The following MTCL2 variants were observed in gnomAD, a reference collection of about 807,000 sequenced individuals.
MTCL2 encodes microtubule crosslinking factor 2.
the MTCL2 span, among the ~76,000 whole-genome samples, chr20:36,862,471 A>G: frequency 6.6e-6 from 1 of 151,946 alleles, no homozygotes; most frequent in Non-Finnish European, 1.5e-5. Context: ...CGCGCTTCCC[A>G]AATAAAGTTG....
At chr20:36,818,507 A>G in the MTCL2 span, among the ~76,000 whole-genome samples, 1 of 152,200 alleles carries the variant, frequency 6.6e-6, no homozygotes, top group African/African-American at 2.4e-5. Context: ...TGATTCAAAA[A>G]TCCAGAAGCT....
the MTCL2 span, among the ~76,000 whole-genome samples, chr20:36,852,497 G>A: frequency 6.6e-6 from 1 of 152,202 alleles, no homozygotes; most frequent in Admixed American, 6.5e-5. Flanking sequence ...AAAAGGATAT[G>A]CAAAAAACTC....
At chr20:36,862,196 G>A in the MTCL2 span, among the ~76,000 whole-genome samples, 40 of 152,362 alleles carry the variant, frequency 2.6e-4, no homozygotes, top group African/African-American at 8.7e-4. Flanking sequence ...GCCCGGGAAA[G>A]CCCTGGGTAA....
the MTCL2 span, among the ~76,000 whole-genome samples, chr20:36,791,951 A>C: frequency 2.6e-5 from 4 of 152,324 alleles, no homozygotes; most frequent in African/African-American, 7.2e-5. Flanking sequence ...ACACATTCAA[A>C]TAATGCTCAC....
At chr20:36,829,191 G>T in the MTCL2 span, 5 of 1,610,252 alleles carry the variant, frequency 3.1e-6, no homozygotes, top group South Asian at 4.4e-5. Flanking sequence ...TTATGCAGCC[G>T]CATGGAGATG....
chr20:36,812,764 G>A, the MTCL2 span: 306 of 1,613,854 alleles, frequency 1.9e-4, no homozygotes, highest in African/African-American at 3.1e-3. Flanking sequence ...GGCTGGGGTC[G>A]GGCTTAGAGT....
At chr20:36,815,953 A>C in the MTCL2 span, 1 of 1,613,266 alleles carries the variant, frequency 6.2e-7, no homozygotes, top group Non-Finnish European at 8.5e-7. This position sits in a 1 kb window ranked among gnomAD's most constrained non-coding sequence, Gnocchi z 5.3. Context: ...AGCGCGGAGA[A>C]GGCCAGGCGT....
At chr20:36,812,621 T>G in the MTCL2 span, 11 of 1,537,308 alleles carry the variant, frequency 7.2e-6, no homozygotes, top group African/African-American at 1.4e-5. Context: ...ACCAGCTAAG[T>G]GATATATGGA....
At chr20:36,846,230 A>C in the MTCL2 span, among the ~76,000 whole-genome samples, 5 of 151,098 alleles carry the variant, frequency 3.3e-5, no homozygotes, top group South Asian at 2.1e-4. Context: ...AATCCCCTCA[A>C]CACCACTGGG....
chr20:36,860,065 A>T, the MTCL2 span, among the ~76,000 whole-genome samples: 1 of 152,198 alleles, frequency 6.6e-6, no homozygotes, highest in Admixed American at 6.5e-5. Flanking sequence ...TGGGATAAAC[A>T]GATATACAGA....
chr20:36,790,288 G>A, the MTCL2 span, among the ~76,000 whole-genome samples: 1 of 151,784 alleles, frequency 6.6e-6, no homozygotes, highest in Non-Finnish European at 1.5e-5. Flanking sequence ...ACTGCGCCCG[G>A]CCAATTTTTG....
the MTCL2 span, among the ~76,000 whole-genome samples, chr20:36,862,462 G>A: frequency 6.6e-6 from 1 of 152,168 alleles, no homozygotes; most frequent in Non-Finnish European, 1.5e-5. Flanking sequence ...TTTCAGGAGC[G>A]CGCTTCCCAA....
chr20:36,799,177 G>A, the MTCL2 span, among the ~76,000 whole-genome samples: 13 of 151,552 alleles, frequency 8.6e-5, no homozygotes, highest in South Asian at 1.7e-3. Flanking sequence ...GCAACACGGC[G>A]AAACCCCATC....
At chr20:36,785,941 G>A in the MTCL2 span, 1 of 988,364 alleles carries the variant, frequency 1.0e-6, no homozygotes, top group African/African-American at 1.7e-5. Flanking sequence ...GGGGCTGGGA[G>A]GAGGAGGTGG....
At chr20:36,810,170 T>C in the MTCL2 span, 35 of 1,522,848 alleles carry the variant, frequency 2.3e-5, no homozygotes, top group Admixed American at 1.6e-4. Flanking sequence ...TGGATAGAAA[T>C]TGTGATCTAA....
At chr20:36,812,910 G>A in the MTCL2 span, 1 of 1,546,236 alleles carries the variant, frequency 6.5e-7, no homozygotes, top group Non-Finnish European at 8.7e-7. Context: ...AGGGGTGCCA[G>A]AAACACCCAC....
the MTCL2 span, among the ~76,000 whole-genome samples, chr20:36,856,428 G>T: frequency 6.6e-6 from 1 of 152,256 alleles, no homozygotes; most frequent in Non-Finnish European, 1.5e-5. Context: ...CCCCCAGCAA[G>T]GGAACAGGGG....
the MTCL2 span, chr20:36,863,313 C>G: frequency 1.7e-6 from 2 of 1,183,058 alleles, no homozygotes; most frequent in Admixed American, 4.6e-5. This position sits in a 1 kb window ranked among gnomAD's most constrained non-coding sequence, Gnocchi z 6.2. Flanking sequence ...ACCGCAGCCC[C>G]GGACCGGGGG....
At chr20:36,855,556 T>C in the MTCL2 span, among the ~76,000 whole-genome samples, 2 of 152,176 alleles carry the variant, frequency 1.3e-5, no homozygotes, top group Non-Finnish European at 2.9e-5. Context: ...GATGAGGTCA[T>C]GCATGTGGGG....
Sources: gnomAD v4.1 joint callset for allele counts (sites outside exome capture counted in the v4.1 genomes callset) on GRCh38, gnomAD v4.1.1 for gene constraint, Gnocchi (gnomAD v3.1) non-coding constraint, MANE v1.5 for transcripts, NCBI Gene and HGNC (gene_info 2026-07-23, HGNC 2026-07-21) for gene names.